NELL2: variants seen among roughly 807,000 people sequenced by gnomAD.
NELL2 encodes neural EGFL like 2, also known as protein kinase C-binding protein NELL2.
A neutral mutation model predicts 109.6 loss-of-function variants in NELL2; 41 were observed. The ratio of observed to expected loss-of-function variants is 0.37; its 90% CI spans 0.29 to 0.49. The LOEUF (loss-of-function observed/expected upper bound fraction) is 0.49. NELL2 is among the 20% of genes least tolerant of loss of function. NELL2 has a pLI of 0.98. For synonymous variants in NELL2, 355 were observed against 344.7 expected (o/e 1.03, Z -0.33); for missense variants, 900 against 1,008.3 (o/e 0.89, Z 1.45).
chr12:44,838,022 T>C (rs796782377), intron 2 of NELL2, among the ~76,000 whole-genome samples: 7 of 152,180 alleles, frequency 4.6e-5, no homozygotes, highest in African/African-American at 1.7e-4. Context: ...AATCCTTGAT[T>C]GTAATGTTGC....
At chr12:44,840,509 C>T (rs746964136) in intron 2 of NELL2, among the ~76,000 whole-genome samples, 6 of 151,976 alleles carry the variant, frequency 3.9e-5, no homozygotes, top group East Asian at 1.9e-4. Context: ...TGGTGGTGGG[C>T]GCCTGTAGTG....
In NELL2 at chr12:44,714,738, A is replaced by G; in HGVS notation, c.998T>C (p.Ile333Thr). 1 of 1,588,170 alleles carries G rather than the reference A, an allele frequency of 6.3e-7. No homozygotes were observed. The highest frequency in any genetic ancestry group is 1.1e-5 in the South Asian group (1 of 87,084). ...DGKCCKECKS[I>T]CQFQGRTYFE... ...GTAGGTTCGTCCTTGAAATTGGCAT[A>G]TCGCTTTGGAGTAAAAAATACATAT... is the stretch of plus-strand genomic sequence containing the variant. The change falls in exon 10 of 20, where the codon ATA becomes ACA. Residue 333 changes from isoleucine (I) to threonine (T), a missense_variant. Transcript: ENST00000429094.
At chr12:44,665,783 G>GT (rs552805799) in intron 12 of NELL2, among the ~76,000 whole-genome samples, 174 bp from the exon 13 acceptor site, 70 of 152,252 alleles carry the variant, frequency 4.6e-4, no homozygotes, top group African/African-American at 1.4e-3. Context: ...AAAATCATGA[G>GT]TTTTTTTCCA....
chr12:44,662,437 C>T (rs577958929), intron 13 of NELL2, among the ~76,000 whole-genome samples: 1 of 152,208 alleles, frequency 6.6e-6, no homozygotes, highest in Non-Finnish European at 1.5e-5. Flanking sequence ...CATATTCCAG[C>T]CCCCTTTGCT....
chr12:44,804,426 T>G (rs1326882921), intron 3 of NELL2, among the ~76,000 whole-genome samples: 1 of 151,812 alleles, frequency 6.6e-6, no homozygotes, highest in Non-Finnish European at 1.5e-5. Flanking sequence ...AATAAGATTT[T>G]TTAGGTAATG....
chr12:44,674,982 T>C (rs537339235), intron 12 of NELL2, among the ~76,000 whole-genome samples: 2 of 152,314 alleles, frequency 1.3e-5, no homozygotes, highest in Admixed American at 6.5e-5. Context: ...TAAATATCTG[T>C]TGAATGAATC....
chr12:44,628,639 T>A (rs1324512688), intron 13 of NELL2, among the ~76,000 whole-genome samples: 1 of 152,158 alleles, frequency 6.6e-6, no homozygotes, highest in Non-Finnish European at 1.5e-5. Context: ...TCTGAACACA[T>A]ACCCTAAGTA....
At chr12:44,679,917 T>G (rs1948440966) in intron 12 of NELL2, among the ~76,000 whole-genome samples, 1 of 152,138 alleles carries the variant, frequency 6.6e-6, no homozygotes, top group South Asian at 2.1e-4. Flanking sequence ...TGTCTGTGCT[T>G]ATTCATGGGT....
chr12:44,603,644 G>C (rs1945298733), intron 15 of NELL2, among the ~76,000 whole-genome samples: 1 of 152,086 alleles, frequency 6.6e-6, no homozygotes, highest in South Asian at 2.1e-4. Context: ...TGTACATGCG[G>C]GTGATTTTAT....
chr12:44,732,304 T>C (rs149116344), intron 9 of NELL2, among the ~76,000 whole-genome samples: 87 of 152,132 alleles, frequency 5.7e-4, no homozygotes, highest in African/African-American at 1.9e-3. Flanking sequence ...TCACACTTCC[T>C]GACTTTCAAA....
chr12:44,688,505 C>A (rs1948799369), intron 12 of NELL2, among the ~76,000 whole-genome samples: 1 of 152,158 alleles, frequency 6.6e-6, no homozygotes, highest in African/African-American at 2.4e-5. Flanking sequence ...CCCTAACAAC[C>A]TCATAAGAAA....
At chr12:44,733,331 T>G (rs983921327) in intron 9 of NELL2, among the ~76,000 whole-genome samples, 6 of 151,862 alleles carry the variant, frequency 4.0e-5, no homozygotes, top group African/African-American at 1.4e-4. Flanking sequence ...GATGAATAAA[T>G]AAAGAAAATG....
intron 9 of NELL2, among the ~76,000 whole-genome samples, chr12:44,759,937 A>G (rs1291596194): frequency 6.6e-6 from 1 of 152,136 alleles, no homozygotes; most frequent in East Asian, 1.9e-4. Context: ...CTCTTTCACT[A>G]CCTTTTAAAA....
At chr12:44,544,497 A>G (rs1336223669) in intron 15 of NELL2, among the ~76,000 whole-genome samples, 1 of 152,110 alleles carries the variant, frequency 6.6e-6, no homozygotes, top group Non-Finnish European at 1.5e-5. Context: ...ATAGTCCCTC[A>G]GGTAATTTTC....
intron 1 of NELL2, among the ~76,000 whole-genome samples, chr12:44,907,898 T>A (rs1945737605): frequency 6.6e-6 from 1 of 151,952 alleles, no homozygotes; most frequent in Non-Finnish European, 1.5e-5. Context: ...ATGTGAACAG[T>A]TTTTCAGGCA....
At chr12:44,787,240 T>G (rs34155603) in intron 3 of NELL2, among the ~76,000 whole-genome samples, 1 of 97,836 alleles carries the variant, frequency 1.0e-5, no homozygotes, top group East Asian at 3.3e-4. Flanking sequence ...TATTATATAC[T>G]GAAAACAACA....
intron 2 of NELL2, among the ~76,000 whole-genome samples, chr12:44,850,450 T>C (rs866698300): frequency 6.6e-6 from 1 of 152,110 alleles, no homozygotes; most frequent in Non-Finnish European, 1.5e-5. Flanking sequence ...AAAATATTTT[T>C]ATTTGCTCTA....
At chr12:44,858,260 C>A (rs888507929) in intron 2 of NELL2, among the ~76,000 whole-genome samples, 1 of 152,178 alleles carries the variant, frequency 6.6e-6, no homozygotes, top group Non-Finnish European at 1.5e-5. Flanking sequence ...AGGCCGTGCT[C>A]CTAAATGCTA....
chr12:44,900,929 C>T (rs1945652886), intron 1 of NELL2, among the ~76,000 whole-genome samples: 1 of 152,054 alleles, frequency 6.6e-6, no homozygotes, highest in African/African-American at 2.4e-5. Context: ...ACAAAGGTTG[C>T]AGTGAGGCCA....
Sources: gnomAD v4.1 joint callset for allele counts (sites outside exome capture counted in the v4.1 genomes callset) on GRCh38, gnomAD v4.1.1 for gene constraint, MANE v1.5 for transcripts, NCBI Gene and HGNC (gene_info 2026-07-23, HGNC 2026-07-21) for gene names.